The following CTNND2 variants were observed in gnomAD, a reference collection of about 807,000 sequenced individuals.
The protein encoded by CTNND2 is catenin delta-2.
A neutral mutation model predicts 144.4 loss-of-function variants in CTNND2; 22 were observed. That is an observed-to-expected ratio of 0.15 (90% CI 0.11 to 0.22). CTNND2 has a LOEUF of 0.22. CTNND2 is among the 10% of genes least tolerant of loss of function. The pLI is 1.00. For synonymous variants in CTNND2, 751 were observed against 695.6 expected, an observed-to-expected ratio of 1.08 and a Z score of -1.25; for missense variants, 1,353 against 1,618.8, an observed-to-expected ratio of 0.84 and a Z score of 2.82.
chr5:11,296,506 A>T (rs1382691283), intron 9 of CTNND2, among the ~76,000 whole-genome samples: 4 of 152,116 alleles, frequency 2.6e-5, no homozygotes, highest in East Asian at 1.9e-4. Flanking sequence ...AGATTATAAA[A>T]CATGCTGCTA....
At chr5:11,347,008 C>T (rs1436962271) in intron 8 of CTNND2, among the ~76,000 whole-genome samples, 1 of 151,998 alleles carries the variant, frequency 6.6e-6, no homozygotes, top group African/African-American at 2.4e-5. Context: ...AGAATGTGTT[C>T]CGGTAATGTT....
chr5:11,039,653 A>G (rs1744475817), intron 16 of CTNND2, among the ~76,000 whole-genome samples: 1 of 152,244 alleles, frequency 6.6e-6, no homozygotes, highest in African/African-American at 2.4e-5. Flanking sequence ...AGGAATATTA[A>G]GAAGAGACCA....
At chr5:11,466,269 A>G (rs1041926828) in intron 3 of CTNND2, among the ~76,000 whole-genome samples, 4 of 152,102 alleles carry the variant, frequency 2.6e-5, no homozygotes, top group African/African-American at 7.2e-5. Flanking sequence ...CCCAAAGGAC[A>G]TAAAACCATT....
At chr5:11,541,995 TA>T (rs921765400) in intron 3 of CTNND2, among the ~76,000 whole-genome samples, 41 of 148,676 alleles carry the variant, frequency 2.8e-4, no homozygotes, top group East Asian at 2.6e-3. Flanking sequence ...CCTCCCCAAT[TA>T]AAAAAAAAAC....
At chr5:11,038,800 G>A (rs1421334983) in intron 16 of CTNND2, among the ~76,000 whole-genome samples, 1 of 152,166 alleles carries the variant, frequency 6.6e-6, no homozygotes, top group African/African-American at 2.4e-5. Flanking sequence ...ATGCTAAGGG[G>A]TCTTTGTGAA....
At chr5:11,711,523 G>A (rs564839216) in intron 2 of CTNND2, among the ~76,000 whole-genome samples, 2 of 152,126 alleles carry the variant, frequency 1.3e-5, no homozygotes, top group South Asian at 4.2e-4. Flanking sequence ...TTATGTTAAT[G>A]GCACATAAAA....
At chr5:11,309,698 G>A (rs1442629624) in intron 9 of CTNND2, among the ~76,000 whole-genome samples, 3 of 152,152 alleles carry the variant, frequency 2.0e-5, no homozygotes, top group African/African-American at 7.2e-5. Context: ...TGCTATGTGA[G>A]AAGGACATGA....
At chr5:11,257,825 T>C (rs1744425801) in intron 9 of CTNND2, among the ~76,000 whole-genome samples, 4 of 152,204 alleles carry the variant, frequency 2.6e-5, no homozygotes. Flanking sequence ...GACTATTTTC[T>C]GCTGGCTCCT....
In CTNND2 at chr5:11,593,960, A is replaced by G. The variant is rs894968457; in HGVS notation, c.175-28904T>C. On this transcript the variant is annotated intron_variant, in intron 2 of 21. Coordinates refer to ENST00000304623, the MANE Select transcript of CTNND2 (RefSeq NM_001332.4). ...TATTGGGTGTTATTGGAACTTTCATAAAACTGTAAGTGGGAATATAAAATG... is the reference window on the plus strand; with the variant it reads ...TATTGGGTGTTATTGGAACTTTCATGAAACTGTAAGTGGGAATATAAAATG... Among the ~76,000 whole-genome samples, 7 of 152,344 alleles carry G rather than the reference A, an allele frequency of 4.6e-5. No individual in the cohort carries two copies. The South Asian group carries it at 1.4e-3, about 32-fold the overall frequency.
At chr5:11,652,723 TTG>T (rs1782708441) in intron 2 of CTNND2, among the ~76,000 whole-genome samples, 1 of 152,198 alleles carries the variant, frequency 6.6e-6, no homozygotes, top group Non-Finnish European at 1.5e-5. Flanking sequence ...ATGTATGAAG[TTG>T]TGTGTGTGAT....
At chr5:11,283,368 T>C in intron 9 of CTNND2, among the ~76,000 whole-genome samples, 1 of 151,582 alleles carries the variant, frequency 6.6e-6, no homozygotes, top group East Asian at 1.9e-4. Context: ...ACTGTTAACA[T>C]GGGAGGAAAA....
intron 3 of CTNND2, among the ~76,000 whole-genome samples, chr5:11,533,231 T>C (rs1488310609): frequency 2.6e-5 from 4 of 152,236 alleles, no homozygotes; most frequent in African/African-American, 4.8e-5. Context: ...CCAATGCAAA[T>C]ATGTAAAGCA....
intron 3 of CTNND2, among the ~76,000 whole-genome samples, chr5:11,497,018 T>C (rs1770018397): frequency 6.6e-6 from 1 of 152,076 alleles, no homozygotes; most frequent in Non-Finnish European, 1.5e-5. Context: ...AATTTGGTCA[T>C]AGTTAGGGAG....
At chr5:11,574,366 T>C (rs1465341549) in intron 2 of CTNND2, among the ~76,000 whole-genome samples, 1 of 152,148 alleles carries the variant, frequency 6.6e-6, no homozygotes, top group African/African-American at 2.4e-5. Flanking sequence ...GTTAAGTAGC[T>C]TCCCAAAGAT....
chr5:11,308,293 T>C (rs1033698074), intron 9 of CTNND2, among the ~76,000 whole-genome samples: 4 of 152,154 alleles, frequency 2.6e-5, no homozygotes, highest in African/African-American at 7.2e-5. Flanking sequence ...CACATAGTGA[T>C]TTAGAAACAA....
At chr5:11,304,517 T>A (rs997406073) in intron 9 of CTNND2, among the ~76,000 whole-genome samples, 3 of 152,228 alleles carry the variant, frequency 2.0e-5, no homozygotes, top group Non-Finnish European at 4.4e-5. Flanking sequence ...GAAACTTGTA[T>A]AATAATTTTT....
At chr5:11,718,064 G>C (rs1786456138) in intron 2 of CTNND2, among the ~76,000 whole-genome samples, 1 of 152,130 alleles carries the variant, frequency 6.6e-6, no homozygotes, top group Non-Finnish European at 1.5e-5. Flanking sequence ...AATCTCAGTG[G>C]TTAAGTGTGA....
At chr5:11,069,897 G>A (rs1860244) in intron 16 of CTNND2, among the ~76,000 whole-genome samples, 113,773 of 152,070 alleles carry the variant, frequency 0.75, 43,235 homozygotes, top group East Asian at 0.92. Flanking sequence ...CTGGGCTGCA[G>A]CTGGGCTGAA....
chr5:10,992,395 G>A (rs1738783181), intron 19 of CTNND2, among the ~76,000 whole-genome samples, 156 bp downstream of exon 19: 1 of 152,202 alleles, frequency 6.6e-6, no homozygotes, highest in Non-Finnish European at 1.5e-5. Context: ...ACACAGAGTG[G>A]CCACCACAGT....
Sources: gnomAD v4.1 joint callset for allele counts (sites outside exome capture counted in the v4.1 genomes callset) on GRCh38, gnomAD v4.1.1 for gene constraint, MANE v1.5 for transcripts, NCBI Gene and HGNC (gene_info 2026-07-23, HGNC 2026-07-21) for gene names.